The following AUTS2 variants were observed in gnomAD, a reference collection of about 807,000 sequenced individuals.
The protein encoded by AUTS2 is autism susceptibility gene 2 protein.
In AUTS2, 17 loss-of-function variants were observed where a neutral mutation model predicts 112.4. The observed-to-expected ratio is 0.15, with a 90% CI of 0.10 to 0.23. AUTS2 has a LOEUF of 0.23. Among genes scored for constraint, AUTS2 ranks in the 10% least tolerant of loss-of-function variants. The pLI is 1.00. For missense variants in AUTS2, 1,510 were observed against 1,701.6 expected (o/e 0.89, Z 1.98); for synonymous variants, 751 against 702.7 (o/e 1.07, Z -1.09).
chr7:70,522,282 A>G (rs564227274), intron 5 of AUTS2, among the ~76,000 whole-genome samples: 3 of 152,318 alleles, frequency 2.0e-5, no homozygotes, highest in South Asian at 4.1e-4. Flanking sequence ...AAAAACACAG[A>G]TATGGGAAAC....
At chr7:69,977,980 G>T (rs1798129409) in intron 2 of AUTS2, among the ~76,000 whole-genome samples, 1 of 152,114 alleles carries the variant, frequency 6.6e-6, no homozygotes, top group Non-Finnish European at 1.5e-5. Flanking sequence ...ACTTAGTGTG[G>T]ATAATAGGGA....
chr7:70,655,619 G>T (rs897243973), intron 5 of AUTS2, among the ~76,000 whole-genome samples: 2 of 152,198 alleles, frequency 1.3e-5, no homozygotes, highest in Non-Finnish European at 2.9e-5. Flanking sequence ...GAAGCCCCTG[G>T]TGGTTTTCTT....
chr7:70,418,968 A>C (rs1280467196), intron 4 of AUTS2, among the ~76,000 whole-genome samples: 2 of 151,850 alleles, frequency 1.3e-5, no homozygotes, highest in Admixed American at 6.6e-5. Flanking sequence ...AGCAGTTTTT[A>C]ATGTATTTTC....
intron 5 of AUTS2, among the ~76,000 whole-genome samples, chr7:70,640,778 G>C (rs181379162): frequency 6.6e-6 from 1 of 152,228 alleles, no homozygotes. Flanking sequence ...ACTGTGATGT[G>C]GGCCGTAGCA....
intron 2 of AUTS2, among the ~76,000 whole-genome samples, chr7:69,993,192 G>A (rs1010418516): frequency 2.6e-5 from 4 of 152,108 alleles, no homozygotes; most frequent in Non-Finnish European, 4.4e-5. Context: ...AAGGCTCATC[G>A]TTTCTGTGTC....
chr7:70,028,989 C>A (rs1444646744), intron 2 of AUTS2, among the ~76,000 whole-genome samples: 1 of 152,112 alleles, frequency 6.6e-6, no homozygotes, highest in Non-Finnish European at 1.5e-5. Flanking sequence ...CTCAAAGGCT[C>A]CCTCTCTTGG....
intron 3 of AUTS2, chr7:70,120,070 A>G (rs964118291): frequency 3.9e-5 from 6 of 152,110 alleles, no homozygotes; most frequent in African/African-American, 1.2e-4. Context: ...AGAGATGTCT[A>G]CTAACATAAA....
chr7:70,565,077 G>A (rs914472712), intron 5 of AUTS2, among the ~76,000 whole-genome samples: 2 of 152,062 alleles, frequency 1.3e-5, no homozygotes, highest in African/African-American at 2.4e-5. Context: ...CAGCCTGGGC[G>A]ATAGAGTGAG....
intron 4 of AUTS2, among the ~76,000 whole-genome samples, chr7:70,172,513 G>C (rs1808758066): frequency 6.6e-6 from 1 of 152,170 alleles, no homozygotes; most frequent in Admixed American, 6.5e-5. Context: ...ACATCCTTGA[G>C]AGTAGAAAAT....
rs757756875 is a variant in AUTS2 at position 70,766,280 on chromosome 7, G to A, written c.1635G>A (p.Pro545=). The A allele has an allele frequency of 1.3e-5, 21 of 1,613,866 alleles. No individual in the cohort carries two copies. The highest frequency in any genetic ancestry group is 5.5e-5 in the South Asian group (5 of 91,074). ...HQHTHQHTFT[P]FPHAIPPTAI... The stretch of plus-strand genomic sequence containing the variant: ...ACACGCACCAGCACACCTTCACGCC[G>A]TTCCCCCACGCCATCCCACCCACCG... Residue 545 remains proline, a synonymous_variant, in exon 9 of 19, where the codon CCG becomes CCA. Transcript: ENST00000342771. The surrounding 1 kb of genome is among the most constrained non-coding windows in gnomAD (Gnocchi z 4.8).
intron 4 of AUTS2, among the ~76,000 whole-genome samples, chr7:70,155,317 G>A (rs542921873): frequency 7.0e-4 from 107 of 152,290 alleles, no homozygotes; most frequent in African/African-American, 2.5e-3. Flanking sequence ...CTCCTAGGAA[G>A]TTGGGGCCAG....
intron 6 of AUTS2, among the ~76,000 whole-genome samples, chr7:70,706,261 G>A (rs905056888): frequency 2.0e-5 from 3 of 152,178 alleles, no homozygotes; most frequent in African/African-American, 4.8e-5. Flanking sequence ...AGTCCCCATC[G>A]TGGTTATTCG....
chr7:69,651,786 C>T (rs1795300444), intron 1 of AUTS2, among the ~76,000 whole-genome samples: 1 of 152,116 alleles, frequency 6.6e-6, no homozygotes, highest in Admixed American at 6.6e-5. Flanking sequence ...ATTTAAGTGT[C>T]AAATGGATGG....
intron 4 of AUTS2, among the ~76,000 whole-genome samples, chr7:70,254,321 A>T (rs996194205): frequency 6.6e-6 from 1 of 152,164 alleles, no homozygotes; most frequent in African/African-American, 2.4e-5. Context: ...TACTTCTTTC[A>T]TTCCAGTCTT....
At chr7:69,952,228 G>A (rs1797054877) in intron 2 of AUTS2, among the ~76,000 whole-genome samples, 1 of 151,972 alleles carries the variant, frequency 6.6e-6, no homozygotes, top group Non-Finnish European at 1.5e-5. Flanking sequence ...ATGTTTTTGT[G>A]TACCCATACT....
At chr7:69,771,583 G>A (rs189875454) in intron 1 of AUTS2, among the ~76,000 whole-genome samples, 12 of 152,242 alleles carry the variant, frequency 7.9e-5, no homozygotes, top group Non-Finnish European at 1.8e-4. Flanking sequence ...AGTTCCGTGT[G>A]GCAAAGGGTG....
chr7:69,967,627 A>G (rs80040876), intron 2 of AUTS2, among the ~76,000 whole-genome samples: 12,697 of 152,166 alleles, frequency 0.083, 613 homozygotes, highest in East Asian at 0.13. Context: ...AATACTTGTC[A>G]TCCTTTGGAA....
intron 4 of AUTS2, among the ~76,000 whole-genome samples, chr7:70,135,353 A>T (rs1390853421): frequency 6.6e-6 from 1 of 152,204 alleles, no homozygotes. Context: ...ATGTCAATGT[A>T]AAAGTCTGTT....
At chr7:70,186,481 G>C (rs191196829) in intron 4 of AUTS2, among the ~76,000 whole-genome samples, 25 of 152,176 alleles carry the variant, frequency 1.6e-4, no homozygotes, top group Non-Finnish European at 2.4e-4. Context: ...TGCCATTCCT[G>C]AACCAAAAGA....
Sources: gnomAD v4.1 joint callset for allele counts (sites outside exome capture counted in the v4.1 genomes callset) on GRCh38, gnomAD v4.1.1 for gene constraint, Gnocchi (gnomAD v3.1) non-coding constraint, MANE v1.5 for transcripts, NCBI Gene and HGNC (gene_info 2026-07-23, HGNC 2026-07-21) for gene names.